ANK3: variants seen among roughly 807,000 people sequenced by gnomAD.
ANK3 encodes the protein ankyrin-3.
ANK3 carries 57 observed loss-of-function variants against 370.9 expected under a neutral mutation model. That is an observed-to-expected ratio of 0.15 (90% confidence interval 0.12 to 0.19). ANK3 has a LOEUF of 0.19. ANK3 is among the 10% of genes least tolerant of loss of function. The pLI, the probability that ANK3 is intolerant of heterozygous loss-of-function variation, is 1.00. For missense variants in ANK3, 4,439 were observed against 5,302.1 expected, an observed-to-expected ratio of 0.84 and a Z score of 5.06; for synonymous variants, 1,929 against 1,946.3, an observed-to-expected ratio of 0.99 and a Z score of 0.23.
At chr10:60,137,318 T>C (rs1012974901) in intron 24 of ANK3, 5 of 319,060 alleles carry the variant, frequency 1.6e-5, no homozygotes, top group Non-Finnish European at 2.9e-5. Context: ...AGAGAAACAC[T>C]ATAAAAGTGC....
At chr10:60,397,450 C>T (rs1374452084) in intron 2 of ANK3, among the ~76,000 whole-genome samples, 5 of 152,196 alleles carry the variant, frequency 3.3e-5, no homozygotes, top group Non-Finnish European at 7.3e-5. Context: ...CCTGCTTCTT[C>T]CCTATCTTAC....
At chr10:60,172,839 C>T in intron 20 of ANK3, 61 bp downstream of exon 20, 1 of 1,056,326 alleles carries the variant, frequency 9.5e-7, no homozygotes, top group South Asian at 1.4e-5. Flanking sequence ...CGTAAGAAGA[C>T]ACCAGAGTCC....
In ANK3 at chr10:60,615,238, GAAAC is replaced by G. The variant is rs1237365986; in HGVS notation, c.58-18_58-15del. ...TCCAAAGCCACCCTAAAAAAGTAAA[GAAAC>G]AAACATTTAGCAAACATGAAAGAAT... On this transcript the variant is annotated splice_polypyrimidine_tract_variant and intron_variant, in intron 1 of 43. Coordinates refer to the ANK3 transcript ENST00000373827. 2.7e-6 allele frequency: 4 copies of G among 1,509,032 alleles called. No homozygotes were observed. The Admixed American group carries it at 6.5e-5, about 25-fold the overall frequency. 93.5% of individuals were successfully genotyped at this position (1,509,032 alleles called of 1,614,324 possible). A position where few individuals can be genotyped will look rare whatever the true frequency, so the allele number is the denominator to read the frequency against.
At chr10:60,169,110 G>C (rs574452696) in intron 21 of ANK3, among the ~76,000 whole-genome samples, 6 of 152,272 alleles carry the variant, frequency 3.9e-5, no homozygotes, top group African/African-American at 1.4e-4. Flanking sequence ...AGGTCTTTGA[G>C]GAATTGCCAC....
At position 60,083,807 on chromosome 10, in the gene ANK3, A is replaced by C. The variant is rs564018952; in HGVS notation, c.4075-190T>G. ...TTACAACTCACCAACTGTAATTGGA[A>C]TCCATATCATGGACATATACAGAAC... is the stretch of plus-strand genomic sequence containing the variant. On this transcript the variant is annotated intron_variant, in intron 32 of 43. Coordinates refer to ENST00000280772, the MANE Select transcript of ANK3 (RefSeq NM_020987.5). 1.1e-5 allele frequency: 6 copies of C among 527,102 alleles called. No homozygotes were observed. The South Asian group carries it at 1.7e-4, about 15-fold the overall frequency. 32.7% of individuals were successfully genotyped at this position (527,102 alleles called of 1,614,324 possible).
intron 1 of ANK3, among the ~76,000 whole-genome samples, chr10:60,372,125 A>G (rs2060184683): frequency 6.6e-6 from 1 of 152,232 alleles, no homozygotes. Context: ...TTAAATTCAT[A>G]TATTTCAAAG....
At chr10:60,653,066 G>GAT (rs920546859) in intron 1 of ANK3, among the ~76,000 whole-genome samples, 6 of 152,032 alleles carry the variant, frequency 3.9e-5, no homozygotes, top group African/African-American at 1.4e-4. Flanking sequence ...CAAGTTTTTA[G>GAT]ATATATATAT....
At chr10:60,185,791 A>C (rs1200145030) in intron 17 of ANK3, among the ~76,000 whole-genome samples, 1 of 152,122 alleles carries the variant, frequency 6.6e-6, no homozygotes, top group Non-Finnish European at 1.5e-5. Flanking sequence ...AATTCAGCAA[A>C]CCTAAATTTG....
chr10:60,460,091 C>G (rs1327342808), intron 2 of ANK3, among the ~76,000 whole-genome samples: 1 of 148,894 alleles, frequency 6.7e-6, no homozygotes, highest in Admixed American at 6.8e-5. Flanking sequence ...AACACACCAC[C>G]AATTCCTTTG....
chr10:60,170,521 T>G (rs932715484), intron 21 of ANK3, among the ~76,000 whole-genome samples: 5 of 152,246 alleles, frequency 3.3e-5, no homozygotes, highest in Admixed American at 6.5e-5. Flanking sequence ...GGCGAAGTTT[T>G]AGAGACTTCT....
chr10:60,216,020 T>A (rs2096931274), intron 8 of ANK3, among the ~76,000 whole-genome samples: 1 of 152,198 alleles, frequency 6.6e-6, no homozygotes, highest in Non-Finnish European at 1.5e-5. Context: ...CTCTCTTACA[T>A]CCTTGAGCAG....
chr10:60,398,170 A>T (rs766675736), intron 2 of ANK3, among the ~76,000 whole-genome samples: 5 of 152,230 alleles, frequency 3.3e-5, no homozygotes, highest in Non-Finnish European at 5.9e-5. Flanking sequence ...TTATTTATGG[A>T]CATTGAAATG....
At chr10:60,325,782 T>C (rs2132912872) in intron 1 of ANK3, among the ~76,000 whole-genome samples, 1 of 152,338 alleles carries the variant, frequency 6.6e-6, no homozygotes, top group Non-Finnish European at 1.5e-5. Flanking sequence ...TTACTGGGTA[T>C]ATACCCAAAG....
intron 28 of ANK3, among the ~76,000 whole-genome samples, chr10:60,102,242 A>G (rs1449037692): frequency 6.6e-6 from 1 of 151,156 alleles, no homozygotes; most frequent in African/African-American, 2.4e-5. Context: ...GTCAGGGCAG[A>G]TGGCTTGACA....
intron 1 of ANK3, among the ~76,000 whole-genome samples, chr10:60,369,929 G>A (rs758513188): frequency 3.9e-5 from 6 of 152,088 alleles, no homozygotes; most frequent in South Asian, 4.1e-4. Context: ...TAGAAAATTA[G>A]TCTCATGGAT....
At chr10:60,701,243 T>G (rs2079541722) in intron 1 of ANK3, among the ~76,000 whole-genome samples, 1 of 152,122 alleles carries the variant, frequency 6.6e-6, no homozygotes, top group Non-Finnish European at 1.5e-5. Flanking sequence ...GATGACATAT[T>G]CTGGGCAAGG....
At chr10:60,443,568 G>A (rs12266751) in intron 2 of ANK3, among the ~76,000 whole-genome samples, 1,609 of 152,118 alleles carry the variant, frequency 0.011, 21 homozygotes, top group African/African-American at 0.026. Flanking sequence ...CAGAACCCCC[G>A]GCGTGACCCA....
intron 1 of ANK3, among the ~76,000 whole-genome samples, chr10:60,334,211 A>G (rs959535911): frequency 1.3e-5 from 2 of 152,194 alleles, no homozygotes; most frequent in Admixed American, 1.3e-4. Flanking sequence ...TTTTACCAAC[A>G]CTTAATACAA....
At chr10:60,196,372 G>C in intron 15 of ANK3, 129 bp from the exon 16 acceptor site, 1 of 957,086 alleles carries the variant, frequency 1.0e-6, no homozygotes, top group South Asian at 1.6e-5. Flanking sequence ...ACAGTACTTG[G>C]ACCCCAGCAT....
Sources: allele counts gnomAD v4.1 joint callset (sites outside exome capture counted in the v4.1 genomes callset), GRCh38; gene constraint gnomAD v4.1.1; transcripts MANE v1.5; gene names NCBI Gene and HGNC (gene_info 2026-07-23, HGNC 2026-07-21).